The following SESTD1 variants were observed in gnomAD, a reference collection of about 807,000 sequenced individuals.
The protein encoded by SESTD1 is SEC14 and spectrin domain containing 1, also known as SEC14 domain and spectrin repeat-containing protein 1.
A neutral mutation model predicts 101.7 loss-of-function variants in SESTD1; 43 were observed. The ratio of observed to expected loss-of-function variants is 0.42; its 90% CI spans 0.33 to 0.55. The LOEUF (loss-of-function observed/expected upper bound fraction) is 0.55. SESTD1 is among the 20% of genes least tolerant of loss of function. The pLI is 0.07. For synonymous variants in SESTD1, 283 were observed against 286.8 expected (o/e 0.99, Z 0.13); for missense variants, 647 against 815.1 (o/e 0.79, Z 2.51).
rs527954075 is a variant in SESTD1 at position 179,222,132 on chromosome 2, G to A, written c.-25-30266C>T. On this transcript the variant is annotated intron_variant, in intron 1 of 17. Transcript: ENST00000428443. ...TTTCTCTCTCATAAGGACTGTAAGC[G>A]ATATTAGCTATCTATCCCAAAAAAA... Among the ~76,000 whole-genome samples the A allele has an allele frequency of 3.9e-5, 6 of 152,158 alleles. No homozygotes were observed. In the South Asian group the frequency reaches 1.2e-3, roughly 32 times the overall value.
In SESTD1 at chr2:179,103,660, G is replaced by A. The variant is rs943523172; in HGVS notation, c.*6239C>T. ...CCTTGTAGAAAAGCGTACATGTTGC[G>A]TGACTCTATTTATATAAAGTTTTAG... On this transcript the variant is annotated 3_prime_UTR_variant, in exon 18 of 18. Coordinates refer to ENST00000428443, the MANE Select transcript of SESTD1 (RefSeq NM_178123.5). The A allele has an allele frequency of 5.9e-5, 9 of 152,114 alleles. No individual in the cohort carries two copies. Among genetic ancestry groups the A allele is most frequent in the African/African-American group, 1.9e-4 (8 of 41,426 alleles). The allele number at this position is 152,114 out of a possible 1,614,324, so 9.4% of individuals were successfully genotyped here.
intron 13 of SESTD1, among the ~76,000 whole-genome samples, chr2:179,120,197 C>A (rs2044718024): frequency 6.6e-6 from 1 of 151,800 alleles, no homozygotes; most frequent in Admixed American, 6.6e-5. Flanking sequence ...CCACTGCACT[C>A]CAGCCTAGTG....
intron 1 of SESTD1, among the ~76,000 whole-genome samples, chr2:179,237,075 T>C (rs571085079): frequency 1.1e-3 from 166 of 146,084 alleles, no homozygotes; most frequent in Non-Finnish European, 1.2e-3. Context: ...AAGAAAACAT[T>C]GCAAATGTTG....
intron 1 of SESTD1, among the ~76,000 whole-genome samples, chr2:179,257,888 C>T (rs2047423185): frequency 1.3e-5 from 2 of 152,164 alleles, no homozygotes; most frequent in South Asian, 4.2e-4. Context: ...CAAAAAGAAC[C>T]CCATAGAATG....
chr2:179,191,583 A>G (rs543393613), intron 2 of SESTD1, among the ~76,000 whole-genome samples: 8 of 152,318 alleles, frequency 5.3e-5, no homozygotes, highest in Non-Finnish European at 2.9e-5. Flanking sequence ...ATCTAAAAAA[A>G]TGAAATTAGA....
chr2:179,154,691 C>T lies in SESTD1; in HGVS notation c.370-3300G>A, dbSNP rs918105419. 1.2e-4 allele frequency among the ~76,000 whole-genome samples: 19 copies of T among 152,082 alleles called. 1 individual carries two copies. The highest frequency in any genetic ancestry group is 4.3e-4 in the African/African-American group (18 of 41,472). On this transcript the variant is annotated intron_variant, in intron 5 of 17. Transcript: ENST00000428443. ...CCACAGGGATACTTTCAGAAATATG[C>T]AGACTACTGGAAACTCTATAGGACA... is the stretch of plus-strand genomic sequence containing the variant.
At chr2:179,210,099 T>C (rs1325769235) in intron 1 of SESTD1, among the ~76,000 whole-genome samples, 2 of 132,944 alleles carry the variant, frequency 1.5e-5, no homozygotes, top group Non-Finnish European at 3.2e-5. Flanking sequence ...AGGAGATGGG[T>C]AAATTCCTGG....
chr2:179,180,530 C>G (rs2046090514), intron 3 of SESTD1, among the ~76,000 whole-genome samples: 1 of 152,102 alleles, frequency 6.6e-6, no homozygotes, highest in Non-Finnish European at 1.5e-5. Flanking sequence ...TGGGCCTGAT[C>G]TGCTAGGGTA....
At chr2:179,128,643 C>A (rs900636439) in intron 10 of SESTD1, among the ~76,000 whole-genome samples, 1 of 150,962 alleles carries the variant, frequency 6.6e-6, no homozygotes, top group Admixed American at 6.6e-5. Flanking sequence ...GCAGGAGAAT[C>A]GCTTGAACCT....
At chr2:179,252,279 G>C (rs1257788509) in intron 1 of SESTD1, among the ~76,000 whole-genome samples, 1 of 152,204 alleles carries the variant, frequency 6.6e-6, no homozygotes, top group African/African-American at 2.4e-5. Flanking sequence ...GAAAGTAAAT[G>C]GGATATAAAT....
At chr2:179,255,476 C>T (rs931246567) in intron 1 of SESTD1, among the ~76,000 whole-genome samples, 1 of 152,214 alleles carries the variant, frequency 6.6e-6, no homozygotes, top group Non-Finnish European at 1.5e-5. Context: ...CATAACATTC[C>T]CTTAAGCCAA....
chr2:179,136,989 TAAA>T (rs989899518), intron 9 of SESTD1, among the ~76,000 whole-genome samples: 17 of 152,126 alleles, frequency 1.1e-4, no homozygotes, highest in Admixed American at 9.2e-4. Context: ...CTATTTCTAA[TAAA>T]AATGATGCAA....
intron 1 of SESTD1, among the ~76,000 whole-genome samples, chr2:179,256,540 C>T (rs1027948186): frequency 1.3e-5 from 2 of 152,146 alleles, no homozygotes; most frequent in South Asian, 4.1e-4. Flanking sequence ...GGGCCGGGCA[C>T]GGTGTCTTAC....
chr2:179,150,535 C>T (rs889754387), intron 6 of SESTD1, among the ~76,000 whole-genome samples: 30 of 151,690 alleles, frequency 2.0e-4, no homozygotes, highest in African/African-American at 7.0e-4. Context: ...AATTATGCTA[C>T]TGTTGGCTGG....
intron 5 of SESTD1, among the ~76,000 whole-genome samples, chr2:179,166,423 G>C (rs956430653): frequency 6.6e-6 from 1 of 152,086 alleles, no homozygotes; most frequent in African/African-American, 2.4e-5. Context: ...TGACCTTAGA[G>C]GACAACTGAA....
chr2:179,264,774 C>T lies in SESTD1; in HGVS notation c.-301G>A, dbSNP rs1208091383. 6.6e-5 allele frequency: 10 copies of T among 151,548 alleles called. No homozygotes were observed. Among genetic ancestry groups the T allele is most frequent in the Non-Finnish European group, 1.5e-4 (10 of 67,602 alleles). The allele number at this position is 151,548 out of a possible 1,614,324, so 9.4% of individuals were successfully genotyped here. On this transcript the variant is annotated 5_prime_UTR_variant, in exon 1 of 18. Transcript: ENST00000428443. The stretch of plus-strand genomic sequence containing the variant: ...CGCGGCCCGAGCCGCGTCCGCGCGA[C>T]CCCGCGCGCGCCCGGGTGACGGCGG...
intron 2 of SESTD1, among the ~76,000 whole-genome samples, chr2:179,188,463 C>A (rs1297721029): frequency 1.3e-5 from 2 of 152,124 alleles, no homozygotes; most frequent in Non-Finnish European, 2.9e-5. Flanking sequence ...CACAGCAAAA[C>A]CCCATCTTTA....
chr2:179,174,661 C>T (rs183184860), intron 4 of SESTD1, among the ~76,000 whole-genome samples: 34 of 152,226 alleles, frequency 2.2e-4, no homozygotes, highest in African/African-American at 3.6e-4. Context: ...ACTGATCCTG[C>T]GGAGGCTATG....
intron 9 of SESTD1, among the ~76,000 whole-genome samples, chr2:179,138,870 CAAAAAAAAA>C (rs61703699): frequency 1.8e-4 from 12 of 65,538 alleles, no homozygotes; most frequent in African/African-American, 5.3e-4. Context: ...AACCCTGTCT[CAAAAAAAAA>C]AAAAAAAAAA....
Sources: gnomAD v4.1 joint callset for allele counts (sites outside exome capture counted in the v4.1 genomes callset) on GRCh38, gnomAD v4.1.1 for gene constraint, MANE v1.5 for transcripts, NCBI Gene and HGNC (gene_info 2026-07-23, HGNC 2026-07-21) for gene names.